The following PIK3C2G variants were observed in gnomAD, a reference collection of about 807,000 sequenced individuals.
PIK3C2G encodes the protein phosphatidylinositol 3-kinase C2 domain-containing subunit gamma.
Under a neutral mutation model 181.1 loss-of-function variants are expected in PIK3C2G, and 168 were observed. The observed-to-expected ratio is 0.93, with a 90% CI of 0.82 to 1.05. PIK3C2G has a LOEUF of 1.05. PIK3C2G is among the 50% of genes least tolerant of loss of function. The probability of loss-of-function intolerance (pLI) is 0.00; values close to 1 mark genes in which losing one functional copy is unlikely to be tolerated. For synonymous variants in PIK3C2G, 573 were observed against 592.2 expected (o/e 0.97, Z 0.47); for missense variants, 1,869 against 1,732.8 (o/e 1.08, Z -1.40).
chr12:18,423,543 C>G (rs1945610007), intron 17 of PIK3C2G, among the ~76,000 whole-genome samples: 1 of 152,118 alleles, frequency 6.6e-6, no homozygotes, highest in Admixed American at 6.6e-5. Context: ...GATAATGATA[C>G]ACCAGTTGAT....
intron 13 of PIK3C2G, among the ~76,000 whole-genome samples, chr12:18,373,780 G>A (rs1159297430): frequency 2.6e-5 from 4 of 152,068 alleles, no homozygotes; most frequent in Admixed American, 2.6e-4. Flanking sequence ...GTGAACCCGG[G>A]AGGCAGAGCT....
chr12:18,652,723 T>C (rs1437082635), downstream of PIK3C2G, among the ~76,000 whole-genome samples: 1 of 152,140 alleles, frequency 6.6e-6, no homozygotes, highest in Admixed American at 6.6e-5. Flanking sequence ...TCATACAATG[T>C]TGCAAAGTTC....
chr12:18,455,705 A>G (rs1947588614), intron 18 of PIK3C2G, among the ~76,000 whole-genome samples: 1 of 152,066 alleles, frequency 6.6e-6, no homozygotes. Flanking sequence ...CACATGGCCA[A>G]AGGGATACAG....
intron 31 of PIK3C2G, among the ~76,000 whole-genome samples, chr12:18,636,375 G>A (rs1949603566): frequency 6.6e-6 from 1 of 152,110 alleles, no homozygotes. Context: ...GGGATTACAA[G>A]GCACGTGCCA....
chr12:18,590,913 G>A (rs890906327), intron 29 of PIK3C2G, among the ~76,000 whole-genome samples: 7 of 151,768 alleles, frequency 4.6e-5, no homozygotes, highest in African/African-American at 1.7e-4. Flanking sequence ...TAAACACAAG[G>A]GAATAATTAG....
intron 31 of PIK3C2G, among the ~76,000 whole-genome samples, chr12:18,621,128 T>C (rs543325154): frequency 1.2e-4 from 18 of 151,864 alleles, no homozygotes; most frequent in Non-Finnish European, 2.4e-4. Flanking sequence ...GTTTGTACAA[T>C]TTTTTTCAGC....
At chr12:18,249,179 T>G (rs775924130) in intron 1 of PIK3C2G, among the ~76,000 whole-genome samples, 1 of 152,184 alleles carries the variant, frequency 6.6e-6, no homozygotes, top group Non-Finnish European at 1.5e-5. Context: ...AAAAGATGTT[T>G]CTAAGGTGAC....
intron 8 of PIK3C2G, among the ~76,000 whole-genome samples, chr12:18,337,980 T>C (rs1938705247): frequency 1.3e-5 from 2 of 152,196 alleles, no homozygotes; most frequent in Admixed American, 1.3e-4. Flanking sequence ...TTCCAAACAA[T>C]AGGTGTATTT....
At chr12:18,431,766 G>T (rs1325018477) in intron 18 of PIK3C2G, among the ~76,000 whole-genome samples, 4 of 152,148 alleles carry the variant, frequency 2.6e-5, no homozygotes, top group African/African-American at 9.7e-5. Flanking sequence ...TGTAATAAAT[G>T]ATGAATTATT....
chr12:18,270,063 C>G (rs183159368), intron 1 of PIK3C2G, among the ~76,000 whole-genome samples: 2 of 152,004 alleles, frequency 1.3e-5, no homozygotes, highest in East Asian at 1.9e-4. Context: ...GCGTGAGCCA[C>G]CACGCCCGGC....
intron 16 of PIK3C2G, among the ~76,000 whole-genome samples, chr12:18,404,003 G>A (rs1401214972): frequency 6.6e-6 from 1 of 152,150 alleles, no homozygotes. Flanking sequence ...TACATCAGAA[G>A]CTTAAATAAA....
chr12:18,507,801 T>G (rs566166351), intron 24 of PIK3C2G, among the ~76,000 whole-genome samples: 1 of 152,296 alleles, frequency 6.6e-6, no homozygotes, highest in South Asian at 2.1e-4. Context: ...ACAGAAAAAG[T>G]TCCAGTTGGC....
chr12:18,619,746 T>A (rs1465247541), intron 31 of PIK3C2G, among the ~76,000 whole-genome samples: 1 of 151,168 alleles, frequency 6.6e-6, no homozygotes, highest in Non-Finnish European at 1.5e-5. Flanking sequence ...TTTTAATTTT[T>A]TTTTTTTTTT....
intron 1 of PIK3C2G, among the ~76,000 whole-genome samples, chr12:18,253,252 GAA>G (rs1249951575): frequency 7.1e-6 from 1 of 141,306 alleles, no homozygotes; most frequent in Non-Finnish European, 1.6e-5. Flanking sequence ...AATGAATAAA[GAA>G]ATAAATAAGT....
chr12:18,585,594 T>C (rs1263432500), intron 29 of PIK3C2G, among the ~76,000 whole-genome samples: 2 of 152,158 alleles, frequency 1.3e-5, no homozygotes, highest in East Asian at 3.8e-4. Flanking sequence ...CACACAATAA[T>C]AGTGTGAGAC....
chr12:18,611,997 C>T (rs888368006), intron 31 of PIK3C2G, among the ~76,000 whole-genome samples: 2 of 152,148 alleles, frequency 1.3e-5, no homozygotes, highest in East Asian at 3.9e-4. Context: ...TATCCCTTTG[C>T]GGAAGGAGTC....
intron 31 of PIK3C2G, among the ~76,000 whole-genome samples, chr12:18,628,769 A>G (rs1171094851): frequency 2.0e-5 from 3 of 152,132 alleles, no homozygotes; most frequent in Admixed American, 6.6e-5. Context: ...CTTAGAGAAA[A>G]TTATCTATCA....
intron 11 of PIK3C2G, among the ~76,000 whole-genome samples, chr12:18,347,970 A>T: frequency 6.6e-6 from 1 of 152,118 alleles, no homozygotes; most frequent in African/African-American, 2.4e-5. Context: ...TCCATAAAAT[A>T]ATATTTTTAT....
chr12:18,286,117 A>G (rs1325180253), intron 2 of PIK3C2G, among the ~76,000 whole-genome samples: 1 of 151,996 alleles, frequency 6.6e-6, no homozygotes, highest in Non-Finnish European at 1.5e-5. Context: ...GTCAATCAGG[A>G]AGAGATAATA....
Sources: allele counts gnomAD v4.1 joint callset (sites outside exome capture counted in the v4.1 genomes callset), GRCh38; gene constraint gnomAD v4.1.1; transcripts MANE v1.5; gene names NCBI Gene and HGNC (gene_info 2026-07-23, HGNC 2026-07-21).